RPUSD4: variants seen among roughly 807,000 people sequenced by gnomAD.
RPUSD4 encodes the protein pseudouridylate synthase RPUSD4, mitochondrial.
In RPUSD4, 37 loss-of-function variants were observed where a neutral mutation model predicts 35.4. That is an observed-to-expected ratio of 1.04 (90% CI 0.80 to 1.37). The LOEUF (loss-of-function observed/expected upper bound fraction) is 1.37, where lower values mean the gene tolerates loss of function less well. RPUSD4 is among the 40% of genes most tolerant of loss of function. The pLI is 0.00. For synonymous variants in RPUSD4, 210 were observed against 192.7 expected, an observed-to-expected ratio of 1.09 and a Z score of -0.74; for missense variants, 507 against 484.9, an observed-to-expected ratio of 1.05 and a Z score of -0.43.
chr11:126,210,520 T>TACATACATACATACACAC (rs746246254), intron 2 of RPUSD4, among the ~76,000 whole-genome samples: 2 of 60,254 alleles, frequency 3.3e-5, no homozygotes, highest in South Asian at 1.3e-3. Flanking sequence ...CCAACATACA[T>TACATACATACATACACAC]ACACACACAC....
chr11:126,209,746 T>C (rs781430835), intron 2 of RPUSD4, 24 bp from the exon 3 acceptor site: 3 of 1,600,056 alleles, frequency 1.9e-6, no homozygotes, highest in Non-Finnish European at 2.6e-6. Context: ...AGCCAAAGGT[T>C]TGAGCGGCCA....
At position 126,205,530 on chromosome 11, in the gene RPUSD4, G is replaced by C. The variant is rs761848424; in HGVS notation, c.734C>G (p.Thr245Ser). The change falls in exon 5 of 7, where the codon ACT becomes AGT. Residue 245 changes from threonine (T) to serine (S), a missense_variant. By Grantham distance (58) the Thr-to-Ser change is moderately conservative. Transcript: ENST00000298317. ...AGTGCTGCTGAGCACCTGGTACTGA[G>C]TTACAGCAACTTGCGCATTCCGGCT... is the stretch of plus-strand genomic sequence containing the variant. Reference protein sequence around the residue: ...RRSRNAQVAVTQYQVLSSTLS... With the variant: ...RRSRNAQVAVSQYQVLSSTLS... 6.2e-7 allele frequency: 1 copy of C among 1,614,290 alleles called. No homozygotes were observed. The highest frequency in any genetic ancestry group is 1.1e-5 in the South Asian group (1 of 91,090).
At chr11:126,208,378 G>T (rs2135101987) in intron 3 of RPUSD4, among the ~76,000 whole-genome samples, 2 of 152,252 alleles carry the variant, frequency 1.3e-5, no homozygotes, top group South Asian at 4.1e-4. Context: ...GAAAACTGTA[G>T]GGTACAAAAC....
intron 3 of RPUSD4, 195 bp from the exon 4 acceptor site, chr11:126,205,976 AC>A: frequency 2.2e-6 from 1 of 464,364 alleles, no homozygotes; most frequent in East Asian, 3.2e-5. Context: ...CTTTTTTACT[AC>A]TAAAGTCATA....
chr11:126,203,805 T>G, intron 6 of RPUSD4, 148 bp from the exon 7 acceptor site: 1 of 1,053,720 alleles, frequency 9.5e-7, no homozygotes, highest in Non-Finnish European at 1.3e-6. Flanking sequence ...GTGGCATGTC[T>G]AAGAACGGCT....
In RPUSD4 at chr11:126,209,415, T is replaced by C. The variant is rs146246127; in HGVS notation, c.557+106A>G. 2.5e-4 allele frequency: 221 copies of C among 901,300 alleles called. No homozygotes were observed. In the African/African-American group the frequency reaches 3.4e-3, roughly 14 times the overall value. 55.8% of individuals were successfully genotyped at this position (901,300 alleles called of 1,614,324 possible). ...ATATTTTTTACAATCTCGCAGGTCA[T>C]AGTGCAGTGCCTTCTATTAATGGGA... On this transcript the variant is annotated intron_variant, in intron 3 of 6. Transcript: ENST00000298317.
rs1249564225 is a variant in RPUSD4, at chr11:126,210,892, T to A, written c.353A>T (p.His118Leu). The A allele has an allele frequency of 6.2e-7, 1 of 1,613,926 alleles. No individual in the cohort carries two copies. The highest frequency in any genetic ancestry group is 1.7e-5 in the Admixed American group (1 of 59,980). ...CACCTTTCCCGCGTGGTCCTTACCA[T>A]GCACAGGGAGACCGTAGGGCTTATT... is the stretch of plus-strand genomic sequence containing the variant. ...VINKPYGLPV[H>L]GGPGVQLCIT... The change falls in exon 2 of 7, where the codon CAT (histidine) becomes CTT (leucine). Residue 118 changes from histidine to leucine, a missense_variant and splice_region_variant. Physicochemically the swap from His to Leu is moderately conservative, Grantham distance 99. Coordinates refer to ENST00000298317, the MANE Select transcript of RPUSD4 (RefSeq NM_032795.3).
rs778018323 is a variant in RPUSD4, at chr11:126,211,643, C to T, written c.-5G>A. On this transcript the variant is annotated 5_prime_UTR_variant, in exon 1 of 7. Transcript: ENST00000298317. Reference sequence around the variant, plus strand: ...GCTCCACCTGGGCGCCGCCATCTTACAAGGAAGGGCGGGGCGAGCCAAGAC... The same window carrying T: ...GCTCCACCTGGGCGCCGCCATCTTATAAGGAAGGGCGGGGCGAGCCAAGAC... The T allele has an allele frequency of 3.1e-6, 5 of 1,610,974 alleles. No homozygotes were observed. In the East Asian group the frequency reaches 6.7e-5, roughly 22 times the overall value.
intron 1 of RPUSD4, 26 bp downstream of exon 1, chr11:126,211,424 G>T: frequency 6.3e-7 from 1 of 1,593,422 alleles, no homozygotes; most frequent in South Asian, 1.1e-5. Flanking sequence ...ACTGCCTCTA[G>T]GGAGTTCTGG....
intron 3 of RPUSD4, among the ~76,000 whole-genome samples, chr11:126,207,622 G>T (rs1270528580): frequency 6.6e-6 from 1 of 152,214 alleles, no homozygotes; most frequent in Non-Finnish European, 1.5e-5. Flanking sequence ...CACTTTGATG[G>T]ACAGATCACT....
rs762869544 is a variant in RPUSD4, at chr11:126,210,921, G to A, written c.324C>T (p.Val108=). The change falls in exon 2 of 7, where the codon GTC becomes GTT. Residue 108 remains valine (V), a synonymous_variant. Coordinates refer to ENST00000298317, the MANE Select transcript of RPUSD4 (RefSeq NM_032795.3). ...CAGGGAGACCGTAGGGCTTATTGAT[G>A]ACCACAAGGTTCTTGTCCTGGTGGA... ...GILHQDKNLV[V]INKPYGLPVH... is the part of the protein sequence containing the mutation. The A allele has an allele frequency of 6.2e-7, 1 of 1,614,134 alleles. No individual in the cohort carries two copies. Among genetic ancestry groups the A allele is most frequent in the South Asian group, 1.1e-5 (1 of 91,058 alleles).
At position 126,211,508 on chromosome 11, in the gene RPUSD4, T is replaced by A. The variant is rs2282580; in HGVS notation, c.131A>T (p.Gln44Leu). The A allele has an allele frequency of 6.2e-7, 1 of 1,613,990 alleles. No individual in the cohort carries two copies. The highest frequency in any genetic ancestry group is 1.7e-5 in the Admixed American group (1 of 60,008). ...AAAASTAINAQRLAEKLRAQK... is the reference protein window; with the variant it reads ...AAAASTAINALRLAEKLRAQK... ...GGCTCGGAGCTTCTCCGCTAATCTC[T>A]GGGCATTTATGGCCGTAGAGGCAGC... Residue 44 changes from glutamine to leucine, a missense_variant, in exon 1 of 7, where the codon CAG becomes CTG. Physicochemically the swap from Gln to Leu is moderately radical, Grantham distance 113. Transcript: ENST00000298317.
intron 5 of RPUSD4, among the ~76,000 whole-genome samples, chr11:126,205,188 T>C (rs1346669224): frequency 2.0e-5 from 3 of 152,240 alleles, no homozygotes; most frequent in Non-Finnish European, 4.4e-5. Context: ...TATTTGATTT[T>C]TGGGGTATAT....
chr11:126,203,305 T>C lies in RPUSD4; in HGVS notation c.*113A>G, dbSNP rs946822013. On this transcript the variant is annotated 3_prime_UTR_variant, in exon 7 of 7. Transcript: ENST00000298317. ...ACGCAGTCTGTTCCAAGTGAGAAGT[T>C]AGCAGAGTCCTGTAAACAAAGAACA... is the stretch of plus-strand genomic sequence containing the variant. The C allele has an allele frequency of 1.3e-5, 20 of 1,481,514 alleles. 1 individual carries two copies. The highest frequency in any genetic ancestry group is 1.1e-4 in the South Asian group (9 of 78,290). The allele number at this position is 1,481,514 out of a possible 1,614,324, so 91.8% of individuals were successfully genotyped here.
intron 5 of RPUSD4, among the ~76,000 whole-genome samples, chr11:126,204,596 C>A (rs1211065682): frequency 6.6e-6 from 1 of 152,196 alleles, no homozygotes; most frequent in African/African-American, 2.4e-5. Flanking sequence ...ATGAACTTGC[C>A]GTCTACCATT....
intron 3 of RPUSD4, chr11:126,208,701 T>C (rs1323123302): frequency 6.6e-6 from 1 of 152,214 alleles, no homozygotes; most frequent in African/African-American, 2.4e-5. Flanking sequence ...ATATACTGCA[T>C]ACACCAGACA....
At chr11:126,204,021 G>A (rs1303579578) in intron 6 of RPUSD4, among the ~76,000 whole-genome samples, 7 of 152,266 alleles carry the variant, frequency 4.6e-5, no homozygotes, top group Admixed American at 6.5e-5. Flanking sequence ...ATAAACAAAT[G>A]TAACAGTAAG....
rs1270414640 is a variant in RPUSD4, at chr11:126,210,973, A to G, written c.272T>C (p.Leu91Pro). The G allele has an allele frequency of 2.5e-6, 4 of 1,614,002 alleles. No individual in the cohort carries two copies. The African/African-American group carries it at 4.0e-5, about 16-fold the overall frequency. Residue 91 changes from leucine to proline, a missense_variant, in exon 2 of 7, where the codon CTT becomes CCT. By Grantham distance (98) the Leu-to-Pro change is moderately conservative. Coordinates refer to ENST00000298317, the MANE Select transcript of RPUSD4 (RefSeq NM_032795.3). ...AATTCCTCGGGTCAGTGCCTTAGCA[A>G]GCACGTTGGGGTGGACTCGCTGCAG... ...RQLQRVHPNV[L>P]AKALTRGILH...
intron 1 of RPUSD4, 56 bp from the exon 2 acceptor site, chr11:126,211,111 C>T: frequency 6.3e-7 from 1 of 1,587,668 alleles, no homozygotes; most frequent in South Asian, 1.1e-5. Flanking sequence ...GTGGAGAAGA[C>T]CTTCCATAAA....
Sources: gnomAD v4.1 joint callset for allele counts (sites outside exome capture counted in the v4.1 genomes callset) on GRCh38, gnomAD v4.1.1 for gene constraint, MANE v1.5 for transcripts, NCBI Gene and HGNC (gene_info 2026-07-23, HGNC 2026-07-21) for gene names.